The following WDR36 variants were observed in gnomAD, a reference collection of about 807,000 sequenced individuals.
WDR36 encodes WD repeat domain 36.
Under a neutral mutation model 112.7 loss-of-function variants are expected in WDR36, and 63 were observed. The ratio of observed to expected loss-of-function variants is 0.56; its 90% CI spans 0.46 to 0.69. The LOEUF (loss-of-function observed/expected upper bound fraction) is 0.69. WDR36 is among the 30% of genes least tolerant of loss of function. The pLI is 0.00. For missense variants in WDR36, 1,226 were observed against 1,070.3 expected (o/e 1.15, Z -2.03); for synonymous variants, 410 against 362.2 (o/e 1.13, Z -1.50).
chr5:111,116,756 A>G (rs1480655852), intron 16 of WDR36, among the ~76,000 whole-genome samples: 2 of 152,194 alleles, frequency 1.3e-5, no homozygotes, highest in African/African-American at 4.8e-5. Context: ...GTGGTTTTAT[A>G]TAATGGAAGT....
At chr5:111,094,470 G>A (rs1752936080) in intron 1 of WDR36, among the ~76,000 whole-genome samples, 1 of 151,956 alleles carries the variant, frequency 6.6e-6, no homozygotes, top group Non-Finnish European at 1.5e-5. Flanking sequence ...ATTTTGACAT[G>A]TTTAAATGTT....
At position 111,092,481 on chromosome 5, in the gene WDR36, A is replaced by T; in HGVS notation, c.25A>T (p.Thr9Ser). 1.2e-6 allele frequency: 2 copies of T among 1,614,238 alleles called. No individual in the cohort carries two copies. The highest frequency in any genetic ancestry group is 1.7e-6 in the Non-Finnish European group (2 of 1,180,040). MERASERR[T>S]ASALFAGFRA... ...AATGGAACGGGCCTCAGAAAGGCGC[A>T]CGGCCAGCGCGCTTTTTGCGGGGTT... The change falls in exon 1 of 23, where the codon ACG becomes TCG. Residue 9 changes from threonine to serine, a missense_variant. Coordinates refer to ENST00000513710, the MANE Select transcript of WDR36 (RefSeq NM_139281.3).
At chr5:111,108,213 A>G (rs1037149849) in intron 12 of WDR36, among the ~76,000 whole-genome samples, 5 of 150,820 alleles carry the variant, frequency 3.3e-5, no homozygotes, top group African/African-American at 1.2e-4. Flanking sequence ...ATTCTTTCTA[A>G]TGTTACTGAA....
intron 19 of WDR36, 53 bp from the exon 20 acceptor site, chr5:111,123,752 G>GA (rs1375150189): frequency 1.2e-6 from 2 of 1,600,476 alleles, no homozygotes; most frequent in Non-Finnish European, 1.7e-6. Context: ...TTAAATATGA[G>GA]AAACTGTTGG....
intron 1 of WDR36, 55 bp downstream of exon 1, chr5:111,092,673 C>G: frequency 6.4e-7 from 1 of 1,562,934 alleles, no homozygotes; most frequent in Non-Finnish European, 8.7e-7. Context: ...TGGCCTCTAA[C>G]TCTGTCCTGG....
chr5:111,128,000 T>C lies in WDR36; in HGVS notation c.*1117T>C, dbSNP rs748361555. 11 of 205,332 alleles carry C rather than the reference T, an allele frequency of 5.4e-5. No homozygotes were observed. The highest frequency in any genetic ancestry group is 8.0e-5 in the Non-Finnish European group (8 of 100,530). The allele number at this position is 205,332 out of a possible 1,614,324, so 12.7% of individuals were successfully genotyped here. A position where few individuals can be genotyped will look rare whatever the true frequency, so the allele number is the denominator to read the frequency against. On this transcript the variant is annotated 3_prime_UTR_variant, in exon 23 of 23. Coordinates refer to ENST00000513710, the MANE Select transcript of WDR36 (RefSeq NM_139281.3). ...TGGGAAGAAAATGCTGAGTATACTT[T>C]TCTTTCACAACCATTGCAAACCCAG...
intron 4 of WDR36, among the ~76,000 whole-genome samples, chr5:111,099,313 A>G (rs1753063302): frequency 6.6e-6 from 1 of 152,100 alleles, no homozygotes; most frequent in Non-Finnish European, 1.5e-5. Context: ...GGGATTATGT[A>G]TCTTTAAACA....
Position 111,129,629 on chromosome 5 carries a change from A to G in WDR36, c.*2746A>G, listed in dbSNP as rs528818741. 500 of 206,682 alleles carry G rather than the reference A, an allele frequency of 2.4e-3. 1 individual carries two copies. Among genetic ancestry groups the G allele is most frequent in the Non-Finnish European group, 3.7e-3 (374 of 101,346 alleles). 12.8% of individuals were successfully genotyped at this position (206,682 alleles called of 1,614,324 possible). A position where few individuals can be genotyped will look rare whatever the true frequency, so the allele number is the denominator to read the frequency against. On this transcript the variant is annotated 3_prime_UTR_variant, in exon 23 of 23. Coordinates refer to ENST00000513710, the MANE Select transcript of WDR36 (RefSeq NM_139281.3). ...TTTCTGTATTTTATGTCTGTTGCCAATGTTTTCTCCTACTTAGCCATTTGG... is the reference window on the plus strand; with the variant it reads ...TTTCTGTATTTTATGTCTGTTGCCAGTGTTTTCTCCTACTTAGCCATTTGG...
intron 2 of WDR36, 70 bp downstream of exon 2, chr5:111,095,017 C>G: frequency 1.4e-6 from 2 of 1,418,978 alleles, no homozygotes; most frequent in Non-Finnish European, 9.8e-7. Flanking sequence ...AAATGTGAGA[C>G]TTACAGAGCA....
Position 111,100,689 on chromosome 5 carries a change from A to C in WDR36, c.510A>C (p.Gln170His). The change falls in exon 5 of 23, where the codon CAA becomes CAC. Residue 170 changes from glutamine (Q) to histidine (H), a missense_variant. Coordinates refer to ENST00000513710, the MANE Select transcript of WDR36 (RefSeq NM_139281.3). The part of the protein sequence containing the change: ...YLNKILLGSE[Q>H]GSLQLWNVKS... ...ATAAAATACTTCTGGGCAGTGAACAAGGAAGCCTGCAGTTGTGGAATGTAA... is the reference window on the plus strand; with the variant it reads ...ATAAAATACTTCTGGGCAGTGAACACGGAAGCCTGCAGTTGTGGAATGTAA... 1 of 1,609,298 alleles carries C rather than the reference A, an allele frequency of 6.2e-7. No individual in the cohort carries two copies. Among genetic ancestry groups the C allele is most frequent in the Non-Finnish European group, 8.5e-7 (1 of 1,176,904 alleles).
Position 111,104,770 on chromosome 5 carries a change from C to CG in WDR36, c.980_981insG (p.Asn328GlnfsTer29). On this transcript the variant is annotated frameshift_variant, in exon 9 of 23. Coordinates refer to ENST00000513710, the MANE Select transcript of WDR36 (RefSeq NM_139281.3). LOFTEE classifies it high-confidence loss of function. ...AGAATGGGTCATAGTGCTCCTCTTA[C>CG]CAATATCAGATATTATGGACAGAAT... 1 of 1,611,330 alleles carries CG rather than the reference C, an allele frequency of 6.2e-7. No homozygotes were observed. The highest frequency in any genetic ancestry group is 2.2e-5 in the East Asian group (1 of 44,808).
At chr5:111,099,344 T>A (rs1347144200) in intron 4 of WDR36, among the ~76,000 whole-genome samples, 1 of 150,146 alleles carries the variant, frequency 6.7e-6, no homozygotes, top group Non-Finnish European at 1.5e-5. Context: ...ATCCCTAGGA[T>A]ATCTACACCT....
intron 10 of WDR36, among the ~76,000 whole-genome samples, chr5:111,105,682 A>G (rs1753209554): frequency 6.6e-6 from 1 of 151,482 alleles, no homozygotes; most frequent in South Asian, 2.1e-4. Flanking sequence ...AGAAAGCATC[A>G]AAGTAAGTGG....
At chr5:111,121,287 A>AT in intron 19 of WDR36, 146 bp downstream of exon 19, 1 of 809,070 alleles carries the variant, frequency 1.2e-6, no homozygotes, top group Non-Finnish European at 2.0e-6. Flanking sequence ...TTAATCAAAT[A>AT]TTGTTTAATA....
At chr5:111,095,126 G>A (rs1752948125) in intron 2 of WDR36, 179 bp downstream of exon 2, 9 of 606,814 alleles carry the variant, frequency 1.5e-5, no homozygotes, top group Admixed American at 3.0e-5. Context: ...TAGTTGTTAT[G>A]TATCTTTATT....
intron 16 of WDR36, among the ~76,000 whole-genome samples, chr5:111,118,269 G>A (rs1376013096): frequency 6.6e-6 from 1 of 152,098 alleles, no homozygotes; most frequent in Non-Finnish European, 1.5e-5. Context: ...GCCAGGAAAT[G>A]CTTTCTCTAC....
At chr5:111,121,579 C>G (rs1197876255) in intron 19 of WDR36, among the ~76,000 whole-genome samples, 1 of 152,156 alleles carries the variant, frequency 6.6e-6, no homozygotes, top group African/African-American at 2.4e-5. Flanking sequence ...ACCCTGTCAA[C>G]TACTGAAAGA....
chr5:111,107,549 A>G (rs1216053307), intron 12 of WDR36, 110 bp downstream of exon 12: 3 of 1,412,644 alleles, frequency 2.1e-6, no homozygotes, highest in African/African-American at 1.4e-5. Context: ...GTAGTTTAAC[A>G]TTTTAAAGCA....
In WDR36 at chr5:111,092,507, C is replaced by G. The variant is rs1752886316; in HGVS notation, c.51C>G (p.Phe17Leu). Residue 17 changes from phenylalanine to leucine, a missense_variant, in exon 1 of 23, where the codon TTC (phenylalanine) becomes TTG (leucine). By Grantham distance (22) the Phe-to-Leu change is conservative (BLOSUM62 0). Coordinates refer to ENST00000513710, the MANE Select transcript of WDR36 (RefSeq NM_139281.3). Reference sequence around the variant, plus strand: ...CGGCCAGCGCGCTTTTTGCGGGGTTCCGGGCCTTGGGACTTTTCAGCAACG... The same window carrying G: ...CGGCCAGCGCGCTTTTTGCGGGGTTGCGGGCCTTGGGACTTTTCAGCAACG... ...RRTASALFAGFRALGLFSNDI... is the reference protein window; with the variant it reads ...RRTASALFAGLRALGLFSNDI... The G allele has an allele frequency of 3.1e-6, 5 of 1,614,102 alleles. No individual in the cohort carries two copies. Among genetic ancestry groups the G allele is most frequent in the Non-Finnish European group, 4.2e-6 (5 of 1,180,058 alleles).
Sources: allele counts gnomAD v4.1 joint callset (sites outside exome capture counted in the v4.1 genomes callset), GRCh38; gene constraint gnomAD v4.1.1; transcripts MANE v1.5; gene names NCBI Gene and HGNC (gene_info 2026-07-23, HGNC 2026-07-21).